PDE1A: variants seen among roughly 807,000 people sequenced by gnomAD.
PDE1A encodes the protein dual specificity calcium/calmodulin-dependent 3',5'-cyclic nucleotide phosphodiesterase 1A.
PDE1A carries 35 observed loss-of-function variants against 61.7 expected under a neutral mutation model. That is an observed-to-expected ratio of 0.57 (90% CI 0.43 to 0.75). The LOEUF is 0.75. Ranked by LOEUF, PDE1A falls within the 30% of genes least tolerant of loss-of-function variation. PDE1A has a pLI of 0.00. For missense variants in PDE1A, 597 were observed against 630.6 expected (o/e 0.95, Z 0.57); for synonymous variants, 232 against 213.2 (o/e 1.09, Z -0.77).
At chr2:182,473,289 C>A (rs557726517) in intron 2 of PDE1A, among the ~76,000 whole-genome samples, 7 of 151,798 alleles carry the variant, frequency 4.6e-5, no homozygotes, top group South Asian at 2.1e-4. Context: ...GGATCTAATT[C>A]AACTAAAGAG....
intron 1 of PDE1A, among the ~76,000 whole-genome samples, chr2:182,294,233 A>G (rs1169317324): frequency 7.2e-5 from 11 of 152,158 alleles, no homozygotes; most frequent in Admixed American, 2.0e-4. Context: ...ATGAGGGGGG[A>G]GCTATTGTAC....
the PDE1A span, among the ~76,000 whole-genome samples, chr2:182,643,829 A>G: frequency 6.6e-6 from 1 of 152,214 alleles, no homozygotes; most frequent in Non-Finnish European, 1.5e-5. Flanking sequence ...TGGCACATCT[A>G]GAAAAATATG....
chr2:182,699,750 G>T, the PDE1A span, among the ~76,000 whole-genome samples: 5 of 152,260 alleles, frequency 3.3e-5, no homozygotes, highest in Admixed American at 3.3e-4. Flanking sequence ...GTTACCATTT[G>T]TTGAATGCTT....
At chr2:182,385,984 C>A (rs901946331) in intron 1 of PDE1A, among the ~76,000 whole-genome samples, 1 of 152,182 alleles carries the variant, frequency 6.6e-6, no homozygotes. Flanking sequence ...CTCAGCCTGC[C>A]GAGTGCCTGT....
At chr2:182,485,459 C>A in intron 2 of PDE1A, among the ~76,000 whole-genome samples, 1 of 151,780 alleles carries the variant, frequency 6.6e-6, no homozygotes, top group African/African-American at 2.4e-5. Context: ...TACAACAAAC[C>A]CCCGTGACAC....
At position 182,285,766 on chromosome 2, in the gene PDE1A, A is replaced by C. The variant is rs187394785; in HGVS notation, c.54-21352T>G. Among the ~76,000 whole-genome samples, 18 of 152,194 alleles carry C rather than the reference A, an allele frequency of 1.2e-4. No homozygotes were observed. In the East Asian group the frequency reaches 3.5e-3, roughly 30 times the overall value. On this transcript the variant is annotated intron_variant, in intron 1 of 13. Coordinates refer to ENST00000351439, the Ensembl canonical transcript of PDE1A. Reference sequence around the variant, plus strand: ...AGGTGGCTGAGGACAGTGAGGAAACACATGGAGCAGACTTGAGTCTAACCT... The same window carrying C: ...AGGTGGCTGAGGACAGTGAGGAAACCCATGGAGCAGACTTGAGTCTAACCT...
At chr2:182,530,975 T>C in the PDE1A span, among the ~76,000 whole-genome samples, 1 of 152,036 alleles carries the variant, frequency 6.6e-6, no homozygotes, top group Non-Finnish European at 1.5e-5. Flanking sequence ...ATATATAAAA[T>C]TATTATAAAT....
chr2:182,258,411 C>G (rs1236003432), intron 2 of PDE1A, among the ~76,000 whole-genome samples: 1 of 152,078 alleles, frequency 6.6e-6, no homozygotes, highest in Non-Finnish European at 1.5e-5. Flanking sequence ...AAAGTGACAG[C>G]CAGGACAGAC....
rs530922035 is a variant in PDE1A at position 182,219,778 on chromosome 2, T to G, written c.776+4086A>C. On this transcript the variant is annotated intron_variant, in intron 7 of 13. Transcript: ENST00000351439. ...CAAGGACAAAATAAAAAATGAAAAG[T>G]TCCCACTAAAACAACACCACCACCA... Among the ~76,000 whole-genome samples, 13 of 152,098 alleles carry G rather than the reference T, an allele frequency of 8.5e-5. No individual in the cohort carries two copies. The East Asian group carries it at 1.9e-3, about 23-fold the overall frequency.
the PDE1A span, among the ~76,000 whole-genome samples, chr2:182,705,135 G>A: frequency 6.6e-6 from 1 of 152,192 alleles, no homozygotes; most frequent in Admixed American, 6.5e-5. Context: ...AAACCTCCAG[G>A]TGTCCTGAAG....
intron 1 of PDE1A, among the ~76,000 whole-genome samples, chr2:182,281,210 A>T (rs966762349): frequency 2.0e-5 from 3 of 151,938 alleles, no homozygotes; most frequent in Non-Finnish European, 4.4e-5. Context: ...TTGTGTTTTC[A>T]TCAGTTACTT....
chr2:182,273,191 G>T (rs1693158862), intron 1 of PDE1A, among the ~76,000 whole-genome samples: 1 of 152,032 alleles, frequency 6.6e-6, no homozygotes, highest in Non-Finnish European at 1.5e-5. Context: ...ATTAAAAAAA[G>T]AATTTTAATG....
chr2:182,419,275 A>G (rs1703118825), intron 1 of PDE1A, among the ~76,000 whole-genome samples: 1 of 152,076 alleles, frequency 6.6e-6, no homozygotes, highest in South Asian at 2.1e-4. Flanking sequence ...AAAATTATAT[A>G]CAAGTTATCA....
At chr2:182,563,011 TG>T in the PDE1A span, among the ~76,000 whole-genome samples, 22 of 152,202 alleles carry the variant, frequency 1.4e-4, 1 homozygote, top group Non-Finnish European at 2.6e-4. Context: ...AACCACCTCC[TG>T]GATTCATTAA....
At chr2:182,343,500 C>T (rs890764463) in intron 1 of PDE1A, among the ~76,000 whole-genome samples, 2 of 152,142 alleles carry the variant, frequency 1.3e-5, no homozygotes, top group Non-Finnish European at 2.9e-5. Flanking sequence ...TATGTTTCTT[C>T]TAAGATAAGA....
chr2:182,234,850 T>G (rs772844658), intron 3 of PDE1A, among the ~76,000 whole-genome samples: 2 of 152,224 alleles, frequency 1.3e-5, no homozygotes, highest in Non-Finnish European at 2.9e-5. Context: ...CATTCTTGTT[T>G]TATGTCCATT....
rs145467747 is a variant in PDE1A at position 182,384,818 on chromosome 2, G to T, written c.53+41760C>A. On this transcript the variant is annotated intron_variant, in intron 1 of 13. Coordinates refer to ENST00000351439, the Ensembl canonical transcript of PDE1A. ...GATGTAAATATTGAAATACAGAAAG[G>T]TCAAATATCTCCAATCAAATTCAAT... Among the ~76,000 whole-genome samples, 523 of 152,052 alleles carry T rather than the reference G, an allele frequency of 3.4e-3. 3 individuals are homozygous for T. Among genetic ancestry groups the T allele is most frequent in the African/African-American group, 0.012 (487 of 41,464 alleles).
chr2:182,494,032 GTTCC>G, intron 2 of PDE1A, among the ~76,000 whole-genome samples: 1 of 152,226 alleles, frequency 6.6e-6, no homozygotes, highest in East Asian at 1.9e-4. Context: ...GAATGATAAT[GTTCC>G]TTAATTTGGT....
the PDE1A span, among the ~76,000 whole-genome samples, chr2:182,547,951 G>A: frequency 6.6e-6 from 1 of 152,132 alleles, no homozygotes; most frequent in African/African-American, 2.4e-5. Flanking sequence ...GAGAAACCGA[G>A]AAGTAGGGTC....
Sources: allele counts gnomAD v4.1 joint callset (sites outside exome capture counted in the v4.1 genomes callset), GRCh38; gene constraint gnomAD v4.1.1; transcripts MANE v1.5; gene names NCBI Gene and HGNC (gene_info 2026-07-23, HGNC 2026-07-21).